The following CALD1 variants were observed in gnomAD, a reference collection of about 807,000 sequenced individuals.
CALD1 encodes the protein caldesmon.
A neutral mutation model predicts 99.9 loss-of-function variants in CALD1; 33 were observed. The ratio of observed to expected loss-of-function variants is 0.33; its 90% CI spans 0.25 to 0.44. The LOEUF (loss-of-function observed/expected upper bound fraction) is 0.44. Ranked by LOEUF, CALD1 falls within the 20% of genes least tolerant of loss-of-function variation. The pLI, the probability that CALD1 is intolerant of heterozygous loss-of-function variation, is 1.00. For synonymous variants in CALD1, 310 were observed against 325.0 expected (o/e 0.95, Z 0.50); for missense variants, 861 against 962.1 (o/e 0.89, Z 1.39).
chr7:134,912,688 C>T (rs1038431466), intron 3 of CALD1, among the ~76,000 whole-genome samples: 5 of 152,194 alleles, frequency 3.3e-5, no homozygotes, highest in African/African-American at 1.2e-4. Flanking sequence ...TATCTTCATA[C>T]TCCACCTTGG....
At chr7:134,845,206 CAG>C (rs1431186213) in intron 2 of CALD1, among the ~76,000 whole-genome samples, 1 of 152,078 alleles carries the variant, frequency 6.6e-6, no homozygotes, top group Non-Finnish European at 1.5e-5. Context: ...ATTCTGAAAT[CAG>C]AGAGTGTGCC....
chr7:134,728,555 G>A, the CALD1 span, among the ~76,000 whole-genome samples: 2 of 152,174 alleles, frequency 1.3e-5, no homozygotes, highest in African/African-American at 2.4e-5. Context: ...CATTTAGGCC[G>A]AACTTAAAAT....
intron 7 of CALD1, 44 bp downstream of exon 7, chr7:134,941,281 A>AAT: frequency 6.7e-7 from 1 of 1,490,720 alleles, no homozygotes; most frequent in Non-Finnish European, 9.1e-7. Context: ...TTCACATGCA[A>AAT]AGAAAAAAAA....
chr7:134,778,662 C>T (rs1796982256), upstream of CALD1, among the ~76,000 whole-genome samples: 1 of 152,192 alleles, frequency 6.6e-6, no homozygotes, highest in Non-Finnish European at 1.5e-5. Context: ...TCTTATAGCA[C>T]ACATCCTAAC....
chr7:134,780,706 A>G (rs143453544), intron 1 of CALD1, among the ~76,000 whole-genome samples: 28 of 152,324 alleles, frequency 1.8e-4, no homozygotes, highest in Admixed American at 5.9e-4. Context: ...CTGTGGCAAT[A>G]CATGGTCAAA....
chr7:134,814,881 C>T (rs1184066097), intron 1 of CALD1, among the ~76,000 whole-genome samples: 2 of 152,124 alleles, frequency 1.3e-5, no homozygotes, highest in East Asian at 3.9e-4. Context: ...AAATGCCTCC[C>T]CCAGTTTGAA....
intron 2 of CALD1, among the ~76,000 whole-genome samples, chr7:134,859,310 C>A (rs1215416053): frequency 6.6e-6 from 1 of 152,152 alleles, no homozygotes; most frequent in African/African-American, 2.4e-5. Flanking sequence ...TGTTGCAAGT[C>A]TACGCATTTT....
rs533770060 is a variant in CALD1, at chr7:134,767,187, C to G, written c.-130+22824C>G. On this transcript the variant is annotated intron_variant, in intron 1 of 13. Coordinates refer to the CALD1 transcript ENST00000417172. Reference sequence around the variant, plus strand: ...CCTCGTGTACACACACTCTCTCTCTCTCTGTCTCTGTGTGTGTGTGTGTGT... The same window carrying G: ...CCTCGTGTACACACACTCTCTCTCTGTCTGTCTCTGTGTGTGTGTGTGTGT... Among the ~76,000 whole-genome samples the G allele has an allele frequency of 1.1e-4, 15 of 134,176 alleles. No homozygotes were observed. In the South Asian group the frequency reaches 2.3e-3, roughly 21 times the overall value. The allele number at this position is 134,176 out of a possible 152,430, so 88.0% of individuals were successfully genotyped here.
At chr7:134,716,883 ATCAC>A in the CALD1 span, among the ~76,000 whole-genome samples, 2 of 152,310 alleles carry the variant, frequency 1.3e-5, no homozygotes, top group Non-Finnish European at 2.9e-5. Context: ...GAGATAAGAA[ATCAC>A]TGGTCTTCGA....
rs553753539 is a variant in CALD1, at chr7:134,879,600, C to T, written c.71+11796C>T. Among the ~76,000 whole-genome samples, 58 of 152,184 alleles carry T rather than the reference C, an allele frequency of 3.8e-4. 1 individual carries two copies. The highest frequency in any genetic ancestry group is 6.8e-4 in the Non-Finnish European group (46 of 67,998). On this transcript the variant is annotated intron_variant, in intron 3 of 14. Coordinates refer to ENST00000361675, the MANE Select transcript of CALD1 (RefSeq NM_033138.4). ...TAAACCTTTTAAATAACTTTAAAAA[C>T]ATTCACTGACATTGAACAGCTTAAT...
At chr7:134,857,682 G>A (rs1426091728) in intron 2 of CALD1, among the ~76,000 whole-genome samples, 1 of 152,044 alleles carries the variant, frequency 6.6e-6, no homozygotes, top group Non-Finnish European at 1.5e-5. Flanking sequence ...TTACATCCAA[G>A]GGACATAGCA....
chr7:134,937,541 A>AGTTGTG (rs1429710520), intron 6 of CALD1, among the ~76,000 whole-genome samples: 2 of 151,850 alleles, frequency 1.3e-5, no homozygotes, highest in African/African-American at 4.8e-5. Context: ...CTTTCCAGCT[A>AGTTGTG]GTTGTGTTGT....
intron 1 of CALD1, among the ~76,000 whole-genome samples, chr7:134,788,571 T>C (rs1037718053): frequency 6.6e-6 from 1 of 152,246 alleles, no homozygotes; most frequent in African/African-American, 2.4e-5. Context: ...CATATTTGTT[T>C]GTTTGCTTGC....
At chr7:134,904,542 G>C (rs1803232930) in intron 3 of CALD1, among the ~76,000 whole-genome samples, 1 of 151,934 alleles carries the variant, frequency 6.6e-6, no homozygotes, top group Admixed American at 6.5e-5. Flanking sequence ...TCTGGCCTGG[G>C]TGACACAGTG....
In CALD1 at chr7:134,867,741, AT is replaced by A; in HGVS notation, c.12del (p.Phe4LeufsTer59). On this transcript the variant is annotated frameshift_variant, in exon 3 of 15. Transcript: ENST00000361675. LOFTEE classifies it high-confidence loss of function. MD[D>X]FERRRELRRQ... ...TGAACCTGAAATCACACCATGGATG[AT>A]TTTGAGCGTCGCAGAGAACTTAGAA... The A allele has an allele frequency of 6.2e-7, 1 of 1,607,580 alleles. No individual in the cohort carries two copies. Among genetic ancestry groups the A allele is most frequent in the Non-Finnish European group, 8.5e-7 (1 of 1,175,802 alleles).
At chr7:134,942,830 A>G (rs749782468) in intron 7 of CALD1, among the ~76,000 whole-genome samples, 12 of 152,230 alleles carry the variant, frequency 7.9e-5, no homozygotes, top group Admixed American at 1.3e-4. Flanking sequence ...AGTCTGTTTA[A>G]CAATTAGCAA....
At chr7:134,728,954 C>T in the CALD1 span, among the ~76,000 whole-genome samples, 1 of 149,182 alleles carries the variant, frequency 6.7e-6, no homozygotes, top group African/African-American at 2.5e-5. Context: ...CTGGTTCAAG[C>T]AATTCTGGTG....
chr7:134,747,550 A>C (rs1796645768), intron 1 of CALD1, among the ~76,000 whole-genome samples: 1 of 151,862 alleles, frequency 6.6e-6, no homozygotes, highest in African/African-American at 2.4e-5. Flanking sequence ...TGTGGAGATC[A>C]CTGGGGCTGC....
chr7:134,890,047 T>C (rs1802073704), intron 3 of CALD1, among the ~76,000 whole-genome samples: 1 of 152,140 alleles, frequency 6.6e-6, no homozygotes, highest in Non-Finnish European at 1.5e-5. Flanking sequence ...TAGCTGGGAC[T>C]ACAGGCACCT....
Sources: gnomAD v4.1 joint callset for allele counts (sites outside exome capture counted in the v4.1 genomes callset) on GRCh38, gnomAD v4.1.1 for gene constraint, MANE v1.5 for transcripts, NCBI Gene and HGNC (gene_info 2026-07-23, HGNC 2026-07-21) for gene names.